Variants in TTC7B observed in about 807,000 individuals in gnomAD.
The protein encoded by TTC7B is tetratricopeptide repeat protein 7B.
A neutral mutation model predicts 106.8 loss-of-function variants in TTC7B; 28 were observed. The observed-to-expected ratio is 0.26, with a 90% CI of 0.19 to 0.36. The LOEUF (loss-of-function observed/expected upper bound fraction) is 0.36, where lower values mean the gene tolerates loss of function less well. Among genes scored for constraint, TTC7B ranks in the 10% least tolerant of loss-of-function variants. The pLI is 1.00. For synonymous variants in TTC7B, 405 were observed against 430.6 expected (o/e 0.94, Z 0.74); for missense variants, 862 against 1,076.4 (o/e 0.80, Z 2.79).
At chr14:90,696,612 A>C (rs1887760254) in intron 5 of TTC7B, among the ~76,000 whole-genome samples, 1 of 152,124 alleles carries the variant, frequency 6.6e-6, no homozygotes, top group African/African-American at 2.4e-5. Context: ...AGTTACAAGC[A>C]CTCATGAGGG....
intron 10 of TTC7B, 124 bp downstream of exon 10, chr14:90,658,180 T>C (rs964492038): frequency 3.7e-6 from 3 of 820,948 alleles, no homozygotes; most frequent in African/African-American, 3.4e-5. Flanking sequence ...CGGACCACGA[T>C]AGTTTCTCAG....
chr14:90,598,018 G>T (rs1892279510), intron 17 of TTC7B, among the ~76,000 whole-genome samples: 1 of 152,214 alleles, frequency 6.6e-6, no homozygotes, highest in South Asian at 2.1e-4. Context: ...GCCAGGGAGA[G>T]CACCTGGGCC....
At chr14:90,763,182 T>C (rs1248331902) in intron 3 of TTC7B, among the ~76,000 whole-genome samples, 1 of 152,194 alleles carries the variant, frequency 6.6e-6, no homozygotes, top group Non-Finnish European at 1.5e-5. Flanking sequence ...AAAAATCATA[T>C]ACCATGACCA....
chr14:90,783,423 G>A (rs1283282778), intron 2 of TTC7B, among the ~76,000 whole-genome samples: 1 of 152,146 alleles, frequency 6.6e-6, no homozygotes, highest in Non-Finnish European at 1.5e-5. Flanking sequence ...AGCAATGGGA[G>A]AAAAAAATTC....
chr14:90,748,868 G>C (rs542814013), intron 3 of TTC7B, among the ~76,000 whole-genome samples: 7 of 152,148 alleles, frequency 4.6e-5, no homozygotes, highest in African/African-American at 1.7e-4. Context: ...TTGTTCTCTT[G>C]TGTAAATTCA....
chr14:90,736,893 TA>T (rs58051350), intron 4 of TTC7B, among the ~76,000 whole-genome samples: 13,524 of 91,636 alleles, frequency 0.15, 753 homozygotes, highest in African/African-American at 0.23. Flanking sequence ...CCATGTCTCT[TA>T]AAAAAAAAAA....
intron 19 of TTC7B, among the ~76,000 whole-genome samples, chr14:90,552,029 C>T (rs577473648): frequency 3.3e-5 from 5 of 152,250 alleles, no homozygotes; most frequent in Non-Finnish European, 5.9e-5. Flanking sequence ...AGAAATGGCA[C>T]CAGTTTGCCA....
Position 90,533,541 on chromosome 14 carries a change from C to A in TTC7B, c.*7827G>T, listed in dbSNP as rs1889337073. 6.6e-6 allele frequency: 1 copy of A among 152,382 alleles called. No homozygotes were observed. Among genetic ancestry groups the A allele is most frequent in the East Asian group, 1.9e-4 (1 of 5,182 alleles). 9.4% of individuals were successfully genotyped at this position (152,382 alleles called of 1,614,324 possible). A position where few individuals can be genotyped will look rare whatever the true frequency, so the allele number is the denominator to read the frequency against. ...GGGCCCCATGCCCTGTCCAGGTTGA[C>A]CTCTGTTAATATCCCCAAAAGCCCG... On this transcript the variant is annotated 3_prime_UTR_variant, in exon 20 of 20. Transcript: ENST00000328459.
chr14:90,584,011 T>A (rs1476792742), intron 18 of TTC7B, among the ~76,000 whole-genome samples: 1 of 152,042 alleles, frequency 6.6e-6, no homozygotes, highest in Admixed American at 6.5e-5. Context: ...TTTTCACCTT[T>A]CCATTCTTCC....
At chr14:90,599,153 AG>A (rs1892331052) in intron 17 of TTC7B, among the ~76,000 whole-genome samples, 1 of 150,466 alleles carries the variant, frequency 6.6e-6, no homozygotes, top group African/African-American at 2.5e-5. Flanking sequence ...AAACAAAAAA[AG>A]AGAAGAAAAA....
At chr14:90,593,752 T>C in intron 17 of TTC7B, 126 bp from the exon 18 acceptor site, 1 of 1,013,006 alleles carries the variant, frequency 9.9e-7, no homozygotes, top group Non-Finnish European at 1.3e-6. Flanking sequence ...TAAGATTTAC[T>C]GTCCACAGAG....
intron 1 of TTC7B, among the ~76,000 whole-genome samples, chr14:90,798,760 G>C (rs989722098): frequency 7.0e-6 from 1 of 143,304 alleles, no homozygotes; most frequent in Non-Finnish European, 1.5e-5. Context: ...TCTTATAAAT[G>C]TGCAGATATT....
At chr14:90,652,762 T>C in intron 13 of TTC7B, 79 bp downstream of exon 13, 1 of 1,522,892 alleles carries the variant, frequency 6.6e-7, no homozygotes, top group Non-Finnish European at 9.1e-7. Flanking sequence ...ATAATCTTTA[T>C]AAATATCTCT....
At chr14:90,648,327 C>T (rs1370659050) in intron 13 of TTC7B, 1 of 152,130 alleles carries the variant, frequency 6.6e-6, no homozygotes, top group Admixed American at 6.6e-5. Context: ...CTGTGTTACC[C>T]TTTTACATGT....
intron 19 of TTC7B, among the ~76,000 whole-genome samples, chr14:90,554,053 G>A (rs1240205838): frequency 1.3e-5 from 2 of 152,226 alleles, no homozygotes; most frequent in African/African-American, 2.4e-5. Flanking sequence ...TCAGCCTTGC[G>A]TGAATCTCAC....
At position 90,525,982 on chromosome 14, in the gene TTC7B, AT is replaced by A. The variant is rs1432636335; in HGVS notation, c.*15385del. 1.3e-4 allele frequency: 18 copies of A among 142,596 alleles called. No homozygotes were observed. The highest frequency in any genetic ancestry group is 3.1e-4 in the African/African-American group (12 of 38,900). The allele number at this position is 142,596 out of a possible 1,614,324, so 8.8% of individuals were successfully genotyped here. ...TAAAAAATAAAAAAAAATAAAAAAA[AT>A]AAAAAAAAAAAAGAAGTCTTTGTAT... On this transcript the variant is annotated 3_prime_UTR_variant, in exon 20 of 20. Coordinates refer to ENST00000328459, the MANE Select transcript of TTC7B (RefSeq NM_001010854.2).
At chr14:90,666,842 T>C (rs889256654) in intron 9 of TTC7B, among the ~76,000 whole-genome samples, 1 of 152,190 alleles carries the variant, frequency 6.6e-6, no homozygotes, top group African/African-American at 2.4e-5. Flanking sequence ...TCACAGATTT[T>C]ATTATAGAAT....
Position 90,525,767 on chromosome 14 carries a change from A to G in TTC7B, c.*15601T>C, listed in dbSNP as rs1373345898. 1 of 147,794 alleles carries G rather than the reference A, an allele frequency of 6.8e-6. No homozygotes were observed. Among genetic ancestry groups the G allele is most frequent in the African/African-American group, 2.5e-5 (1 of 39,976 alleles). 9.2% of individuals were successfully genotyped at this position (147,794 alleles called of 1,614,324 possible). A position where few individuals can be genotyped will look rare whatever the true frequency, so the allele number is the denominator to read the frequency against. On this transcript the variant is annotated 3_prime_UTR_variant, in exon 20 of 20. Transcript: ENST00000328459. ...ACAATAAGAATAAAACCCAACGACA[A>G]AGGCCCTCTCTAACCCGAGTACACC...
chr14:90,766,950 C>T, intron 3 of TTC7B: 1 of 1,481,080 alleles, frequency 6.8e-7, no homozygotes, highest in South Asian at 1.1e-5. Context: ...AGACCACTGG[C>T]CGCCATGGCC....
Sources: gnomAD v4.1 joint callset for allele counts (sites outside exome capture counted in the v4.1 genomes callset) on GRCh38, gnomAD v4.1.1 for gene constraint, MANE v1.5 for transcripts, NCBI Gene and HGNC (gene_info 2026-07-23, HGNC 2026-07-21) for gene names.